CCDC38: variants seen among roughly 807,000 people sequenced by gnomAD.
CCDC38 encodes the protein coiled-coil domain containing 38, also known as coiled-coil domain-containing protein 38.
Under a neutral mutation model 72.8 loss-of-function variants are expected in CCDC38, and 69 were observed. The observed-to-expected ratio is 0.95, with a 90% CI of 0.78 to 1.16. The LOEUF is 1.16. Ranked by LOEUF, CCDC38 falls within the 50% of genes most tolerant of loss-of-function variation. The pLI is 0.00. For missense variants in CCDC38, 626 were observed against 638.9 expected (o/e 0.98, Z 0.22); for synonymous variants, 201 against 213.2 (o/e 0.94, Z 0.50).
At chr12:95,870,043 C>G (rs574375976) in intron 14 of CCDC38, among the ~76,000 whole-genome samples, 1 of 152,108 alleles carries the variant, frequency 6.6e-6, no homozygotes, top group Non-Finnish European at 1.5e-5. Context: ...AGGCCGGTCT[C>G]GAACTCCTGA....
intron 8 of CCDC38, 149 bp from the exon 9 acceptor site, chr12:95,891,079 G>A: frequency 1.8e-6 from 1 of 559,088 alleles, no homozygotes; most frequent in South Asian, 2.3e-5. Flanking sequence ...TTATCAACCA[G>A]CAAACGTGAT....
At chr12:95,883,346 G>T (rs1408034256) in intron 10 of CCDC38, among the ~76,000 whole-genome samples, 2 of 152,186 alleles carry the variant, frequency 1.3e-5, no homozygotes, top group Non-Finnish European at 2.9e-5. Context: ...AGCACAGGCT[G>T]CTTAGGTAGA....
intron 10 of CCDC38, 59 bp downstream of exon 10, chr12:95,888,399 A>G (rs1419585945): frequency 4.8e-6 from 7 of 1,468,848 alleles, no homozygotes; most frequent in Non-Finnish European, 6.7e-6. Context: ...AGGCTTTAAA[A>G]GTTATTTGCT....
intron 2 of CCDC38, among the ~76,000 whole-genome samples, chr12:95,930,413 G>T (rs971062081): frequency 5.3e-5 from 8 of 152,060 alleles, no homozygotes; most frequent in Non-Finnish European, 8.8e-5. Flanking sequence ...CCTAGCTTCT[G>T]GTAGTGAAAT....
intron 8 of CCDC38, among the ~76,000 whole-genome samples, chr12:95,894,506 A>G (rs1381082497): frequency 6.6e-6 from 1 of 152,198 alleles, no homozygotes; most frequent in Admixed American, 6.5e-5. Context: ...ACTCCTTATG[A>G]ATGGCTTGTT....
chr12:95,915,220 A>G (rs2080132463), intron 4 of CCDC38, among the ~76,000 whole-genome samples: 2 of 152,192 alleles, frequency 1.3e-5, no homozygotes, highest in African/African-American at 2.4e-5. Flanking sequence ...GCTATCAGGC[A>G]GATCTTTGAA....
intron 4 of CCDC38, among the ~76,000 whole-genome samples, chr12:95,911,096 CAACT>C (rs1181274810): frequency 3.3e-5 from 5 of 151,996 alleles, no homozygotes; most frequent in African/African-American, 7.3e-5. Flanking sequence ...CACATACAAC[CAACT>C]GATTGTCAAC....
Position 95,896,077 on chromosome 12 carries a change from A to G in CCDC38, c.615-931T>C, listed in dbSNP as rs1396938053. ...TCTCAAAAAAAAAAAAAAAAAAAAG[A>G]AAGTAGCAAAAGATGGTACATTTGT... On this transcript the variant is annotated intron_variant, in intron 7 of 15. Coordinates refer to ENST00000344280, the MANE Select transcript of CCDC38 (RefSeq NM_182496.3). Among the ~76,000 whole-genome samples, 4 of 146,520 alleles carry G rather than the reference A, an allele frequency of 2.7e-5. No individual in the cohort carries two copies. In the East Asian group the frequency reaches 7.9e-4, roughly 29 times the overall value.
rs778628246 is a variant in CCDC38 at position 95,898,505 on chromosome 12, AC to A, written c.534-41del. 4 of 1,589,330 alleles carry A rather than the reference AC, an allele frequency of 2.5e-6. No individual in the cohort carries two copies. The East Asian group carries it at 9.1e-5, about 36-fold the overall frequency. On this transcript the variant is annotated intron_variant, in intron 6 of 15. Transcript: ENST00000344280. ...AGATCTGTTAATTTGCTTCTTAGAA[AC>A]AAACAAACAAACAAACAAACAAAAG...
Position 95,929,356 on chromosome 12 carries a change from C to T in CCDC38, c.37+7117G>A, listed in dbSNP as rs1338683005. On this transcript the variant is annotated intron_variant, in intron 2 of 15. Coordinates refer to ENST00000344280, the MANE Select transcript of CCDC38 (RefSeq NM_182496.3). ...ACTAGGAAAGGGAACTCCCTGACCC[C>T]TTGCACTTCCCGAGTGAGGCAATGC... Among the ~76,000 whole-genome samples the T allele has an allele frequency of 4.6e-5, 7 of 152,206 alleles. No homozygotes were observed. The East Asian group carries it at 1.2e-3, about 25-fold the overall frequency.
In CCDC38 at chr12:95,917,131, T is replaced by C; in HGVS notation, c.302A>G (p.Glu101Gly). ...PGPAPIPRLI[E>G]GSDTKRTVHE... is the part of the protein sequence containing the mutation. ...CTTAAAGAGTAATTTAGACTCACCT[T>C]CTATTAATCTAGGAATCGGAGCAGG... is the stretch of plus-strand genomic sequence containing the variant. The change falls in exon 4 of 16, where the codon GAA becomes GGA. Residue 101 changes from glutamate to glycine, a missense_variant and splice_region_variant. By Grantham distance (98) the Glu-to-Gly change is moderately conservative. Coordinates refer to ENST00000344280, the MANE Select transcript of CCDC38 (RefSeq NM_182496.3). The C allele has an allele frequency of 6.4e-7, 1 of 1,573,648 alleles. No individual in the cohort carries two copies. The highest frequency in any genetic ancestry group is 8.5e-7 in the Non-Finnish European group (1 of 1,169,842).
intron 10 of CCDC38, among the ~76,000 whole-genome samples, chr12:95,885,967 A>G (rs10745735): frequency 0.13 from 19,494 of 152,122 alleles, 1,419 homozygotes; most frequent in South Asian, 0.26. Context: ...ATACTGTGAT[A>G]TTTACACCTT....
chr12:95,943,082 TCG>T (rs1356160905), upstream of CCDC38: 5 of 300,294 alleles, frequency 1.7e-5, no homozygotes, highest in East Asian at 3.6e-4. Context: ...CTTTGATCTC[TCG>T]GGGTGACCAA....
chr12:95,936,095 TAAATA>T (rs979457727), intron 2 of CCDC38, among the ~76,000 whole-genome samples: 58 of 151,476 alleles, frequency 3.8e-4, no homozygotes, highest in African/African-American at 1.3e-3. Flanking sequence ...AGTAATTAAT[TAAATA>T]AAATAAAATA....
chr12:95,867,087 A>C lies in CCDC38; in HGVS notation c.1681T>G (p.Phe561Val), dbSNP rs2079526703. The change falls in exon 16 of 16, where the codon TTT becomes GTT. Residue 561 changes from phenylalanine to valine, a missense_variant. Coordinates refer to ENST00000344280, the MANE Select transcript of CCDC38 (RefSeq NM_182496.3). ...TKTKSQEEEYFFT is the reference protein window; with the variant it reads ...TKTKSQEEEYVFT ...CTTACTGCTTTTATTCAAGTAAAAAAATATTCTTCCTCTTGTGATTTTGTT... is the reference window on the plus strand; with the variant it reads ...CTTACTGCTTTTATTCAAGTAAAAACATATTCTTCCTCTTGTGATTTTGTT... 1 of 1,567,116 alleles carries C rather than the reference A, an allele frequency of 6.4e-7. No individual in the cohort carries two copies. The highest frequency in any genetic ancestry group is 1.7e-5 in the Admixed American group (1 of 59,140).
chr12:95,927,475 G>T (rs2080285068), intron 2 of CCDC38, among the ~76,000 whole-genome samples: 1 of 150,898 alleles, frequency 6.6e-6, no homozygotes, highest in Non-Finnish European at 1.5e-5. Flanking sequence ...ACACTGATGG[G>T]TCTTGACTCT....
At chr12:95,893,328 C>T (rs2079848951) in intron 8 of CCDC38, among the ~76,000 whole-genome samples, 1 of 138,260 alleles carries the variant, frequency 7.2e-6, no homozygotes, top group Non-Finnish European at 1.7e-5. Flanking sequence ...CCTTCCTTTG[C>T]CCTTCCCTTC....
At chr12:95,918,775 T>C in intron 3 of CCDC38, 101 bp downstream of exon 3, 1 of 729,126 alleles carries the variant, frequency 1.4e-6, no homozygotes, top group South Asian at 1.7e-5. Flanking sequence ...CATCTGCGTC[T>C]AGTTGACTCC....
intron 2 of CCDC38, among the ~76,000 whole-genome samples, chr12:95,929,237 C>A (rs1159428029): frequency 6.6e-6 from 1 of 152,162 alleles, no homozygotes; most frequent in African/African-American, 2.4e-5. Context: ...GATATAATCT[C>A]CTGGTGCGCT....
Sources: allele counts gnomAD v4.1 joint callset (sites outside exome capture counted in the v4.1 genomes callset), GRCh38; gene constraint gnomAD v4.1.1; transcripts MANE v1.5; gene names NCBI Gene and HGNC (gene_info 2026-07-23, HGNC 2026-07-21).